The following CEP112 variants were observed in gnomAD, a reference collection of about 807,000 sequenced individuals.
CEP112 encodes centrosomal protein of 112 kDa.
In CEP112, 127 loss-of-function variants were observed where a neutral mutation model predicts 153.0. That is an observed-to-expected ratio of 0.83 (90% CI 0.72 to 0.96). The LOEUF (loss-of-function observed/expected upper bound fraction) is 0.96. Ranked by LOEUF, CEP112 falls within the 40% of genes least tolerant of loss-of-function variation. CEP112 has a pLI of 0.00. For synonymous variants in CEP112, 358 were observed against 374.4 expected, an observed-to-expected ratio of 0.96 and a Z score of 0.51; for missense variants, 1,089 against 1,101.2, an observed-to-expected ratio of 0.99 and a Z score of 0.16.
intron 4 of CEP112, 148 bp downstream of exon 4, chr17:66,174,896 C>T: frequency 2.1e-6 from 1 of 472,414 alleles, no homozygotes; most frequent in Non-Finnish European, 3.5e-6. Context: ...TATTAAATGG[C>T]TAAAAATATA....
At chr17:66,098,322 T>A (rs2068430368) in intron 6 of CEP112, among the ~76,000 whole-genome samples, 1 of 152,232 alleles carries the variant, frequency 6.6e-6, no homozygotes, top group Non-Finnish European at 1.5e-5. Context: ...TTAATTTCTT[T>A]AAGGTTTTTC....
At chr17:65,768,160 C>CA (rs1411300484) in intron 21 of CEP112, among the ~76,000 whole-genome samples, 2 of 152,014 alleles carry the variant, frequency 1.3e-5, no homozygotes, top group African/African-American at 4.8e-5. Flanking sequence ...AATCAATTAA[C>CA]ACATATTTTA....
chr17:66,175,044 C>G lies in CEP112; in HGVS notation c.470G>C (p.Ser157Thr). The G allele has an allele frequency of 6.3e-7, 1 of 1,592,034 alleles. No individual in the cohort carries two copies. Among genetic ancestry groups the G allele is most frequent in the Non-Finnish European group, 8.6e-7 (1 of 1,168,538 alleles). ...TLVQSPTDVY[S>T]REQYTGKLRV... Reference sequence around the variant, plus strand: ...TCAAAATCCCATTCTCTTTACATACCTGTAGACATCAGTTGGCGACTGTAC... The same window carrying G: ...TCAAAATCCCATTCTCTTTACATACGTGTAGACATCAGTTGGCGACTGTAC... Residue 157 changes from serine to threonine, a missense_variant and splice_region_variant, in exon 4 of 27, where the codon AGC becomes ACC. By Grantham distance (58) the Ser-to-Thr change is moderately conservative. Coordinates refer to ENST00000535342, the MANE Select transcript of CEP112 (RefSeq NM_001199165.4).
At chr17:65,949,044 A>G (rs539376862) in intron 18 of CEP112, among the ~76,000 whole-genome samples, 1 of 131,728 alleles carries the variant, frequency 7.6e-6, no homozygotes, top group Admixed American at 8.9e-5. Flanking sequence ...TAAACACATT[A>G]TGATTATCCA....
At chr17:65,862,643 T>C (rs932805025) in intron 20 of CEP112, among the ~76,000 whole-genome samples, 1 of 152,164 alleles carries the variant, frequency 6.6e-6, no homozygotes, top group Non-Finnish European at 1.5e-5. Flanking sequence ...GTTCATGATG[T>C]TCATTTTGTT....
At chr17:66,142,135 T>C (rs746673426) in intron 4 of CEP112, among the ~76,000 whole-genome samples, 1 of 152,220 alleles carries the variant, frequency 6.6e-6, no homozygotes, top group Non-Finnish European at 1.5e-5. Context: ...ATGCGTGATG[T>C]TGAACATTTT....
At chr17:66,029,539 A>C (rs1023039798) in intron 13 of CEP112, among the ~76,000 whole-genome samples, 4 of 152,032 alleles carry the variant, frequency 2.6e-5, no homozygotes, top group Non-Finnish European at 5.9e-5. Context: ...TCTACAAAAA[A>C]ATAAAAATAG....
At chr17:66,032,368 A>T (rs1005715534) in intron 12 of CEP112, among the ~76,000 whole-genome samples, 1 of 140,262 alleles carries the variant, frequency 7.1e-6, no homozygotes, top group Non-Finnish European at 1.6e-5. Context: ...AAAAAAAAAA[A>T]CTCAGAAAAG....
intron 23 of CEP112, among the ~76,000 whole-genome samples, chr17:65,721,699 C>T (rs2049896839): frequency 6.6e-6 from 1 of 152,206 alleles, no homozygotes; most frequent in South Asian, 2.1e-4. Flanking sequence ...ATCTATGAGG[C>T]TGCAAGAGAT....
rs1555786809 is a variant in CEP112 at position 66,061,569 on chromosome 17, T to TAGATAC, written c.1074+1393_1074+1394insGTATCT. 2.1e-5 allele frequency among the ~76,000 whole-genome samples: 3 copies of TAGATAC among 146,240 alleles called. No individual in the cohort carries two copies. In the East Asian group the frequency reaches 6.1e-4, roughly 30 times the overall value. ...GAATGGATAAAGAAAATGTGATAGA[T>TAGATAC]ACACACACACACACACACACACACA... On this transcript the variant is annotated intron_variant, in intron 11 of 26. Coordinates refer to ENST00000535342, the MANE Select transcript of CEP112 (RefSeq NM_001199165.4).
chr17:66,025,581 C>T (rs1478641811), intron 16 of CEP112, among the ~76,000 whole-genome samples: 1 of 151,966 alleles, frequency 6.6e-6, no homozygotes, highest in African/African-American at 2.4e-5. Context: ...TAGAGAAATG[C>T]ATATTAAAAC....
At chr17:65,980,458 A>C (rs1192918861) in intron 17 of CEP112, among the ~76,000 whole-genome samples, 1 of 152,202 alleles carries the variant, frequency 6.6e-6, no homozygotes, top group Non-Finnish European at 1.5e-5. Flanking sequence ...TTTCTTCCAG[A>C]AAATTAGGTC....
chr17:65,846,091 T>C (rs1424182550), intron 21 of CEP112, among the ~76,000 whole-genome samples: 1 of 152,218 alleles, frequency 6.6e-6, no homozygotes, highest in Non-Finnish European at 1.5e-5. Flanking sequence ...TTATACTCAA[T>C]GATAGAAAAT....
intron 2 of CEP112, among the ~76,000 whole-genome samples, chr17:66,177,312 T>C (rs776115052): frequency 6.6e-6 from 1 of 152,234 alleles, no homozygotes; most frequent in South Asian, 2.1e-4. Flanking sequence ...CCATGGGCCA[T>C]TGTCTGCTAA....
intron 17 of CEP112, among the ~76,000 whole-genome samples, chr17:65,984,837 A>T (rs1411625524): frequency 6.6e-6 from 1 of 152,176 alleles, no homozygotes; most frequent in Non-Finnish European, 1.5e-5. Context: ...TTGTCTCATG[A>T]AATAATCTAG....
At chr17:66,172,951 G>C (rs892953888) in intron 4 of CEP112, among the ~76,000 whole-genome samples, 2 of 151,952 alleles carry the variant, frequency 1.3e-5, no homozygotes, top group African/African-American at 4.8e-5. Flanking sequence ...CACAGATGAG[G>C]TCTCACCCTA....
chr17:65,832,667 C>T (rs1036571216), intron 21 of CEP112, among the ~76,000 whole-genome samples: 2 of 152,064 alleles, frequency 1.3e-5, no homozygotes, highest in African/African-American at 4.8e-5. Flanking sequence ...AAATTTATTT[C>T]ATGAACAGAC....
intron 20 of CEP112, among the ~76,000 whole-genome samples, chr17:65,859,893 C>A (rs551294040): frequency 6.7e-6 from 1 of 148,220 alleles, no homozygotes. Flanking sequence ...TGGTGGCGGG[C>A]GCCTCCAGCT....
intron 24 of CEP112, among the ~76,000 whole-genome samples, chr17:65,687,683 C>G (rs1030895922): frequency 2.0e-5 from 3 of 152,162 alleles, no homozygotes; most frequent in African/African-American, 7.2e-5. Context: ...TAAGTATTAA[C>G]AGTCAGCATC....
Sources: allele counts gnomAD v4.1 joint callset (sites outside exome capture counted in the v4.1 genomes callset), GRCh38; gene constraint gnomAD v4.1.1; transcripts MANE v1.5; gene names NCBI Gene and HGNC (gene_info 2026-07-23, HGNC 2026-07-21).